The following ZHX3 variants were observed in gnomAD, a reference collection of about 807,000 sequenced individuals.
The protein encoded by ZHX3 is zinc fingers and homeoboxes 3.
In ZHX3, 20 loss-of-function variants were observed where a neutral mutation model predicts 64.5. The observed-to-expected ratio is 0.31, with a 90% confidence interval of 0.22 to 0.45. The LOEUF (loss-of-function observed/expected upper bound fraction) is 0.45, where lower values mean the gene tolerates loss of function less well. ZHX3 is among the 20% of genes least tolerant of loss of function. The pLI is 1.00. For missense variants in ZHX3, 1,041 were observed against 1,195.8 expected, an observed-to-expected ratio of 0.87 and a Z score of 1.91; for synonymous variants, 423 against 461.6, an observed-to-expected ratio of 0.92 and a Z score of 1.07.
chr20:41,228,748 A>G lies in ZHX3; in HGVS notation c.-150-23682T>C, dbSNP rs2040422698. Among the ~76,000 whole-genome samples the G allele has an allele frequency of 6.6e-6, 1 of 152,218 alleles. No individual in the cohort carries two copies. On this transcript the variant is annotated intron_variant, in intron 2 of 3. Coordinates refer to ENST00000683867, the MANE Select transcript of ZHX3 (RefSeq NM_001384317.1). The surrounding 1 kb of genome is among the most constrained non-coding windows in gnomAD (Gnocchi z 4.6). ...GAATTTTAGGAGATACATTCAGTCC[A>G]CTGCACCATACATCCAGATTTCCAA... is the stretch of plus-strand genomic sequence containing the variant.
intron 2 of ZHX3, among the ~76,000 whole-genome samples, chr20:41,265,034 T>G (rs1414845818): frequency 6.6e-6 from 1 of 152,184 alleles, no homozygotes; most frequent in African/African-American, 2.4e-5. Context: ...AAGCATTTTA[T>G]CATCACTATT....
At chr20:41,189,389 T>A (rs2036810219) in intron 3 of ZHX3, among the ~76,000 whole-genome samples, 1 of 152,216 alleles carries the variant, frequency 6.6e-6, no homozygotes. Flanking sequence ...CACATTGGTA[T>A]TTTGATAGCA....
In ZHX3 at chr20:41,192,242, G is replaced by A. The variant is rs191786336; in HGVS notation, c.2861-7041C>T. On this transcript the variant is annotated intron_variant, in intron 3 of 3. Coordinates refer to ENST00000683867, the MANE Select transcript of ZHX3 (RefSeq NM_001384317.1). ...TCAGGTACCCAAGAGGAGTATTCAA[G>A]TGCCAATGGTGGTGGACTAGGCTGG... is the stretch of plus-strand genomic sequence containing the variant. Among the ~76,000 whole-genome samples the A allele has an allele frequency of 9.7e-4, 147 of 152,318 alleles. 1 individual carries two copies. Among genetic ancestry groups the A allele is most frequent in the South Asian group, 2.9e-3 (14 of 4,832 alleles).
chr20:41,313,048 G>T (rs1358592623), intron 1 of ZHX3, among the ~76,000 whole-genome samples: 2 of 152,180 alleles, frequency 1.3e-5, no homozygotes, highest in Admixed American at 1.3e-4. Flanking sequence ...AGATATTCTA[G>T]AGGCTAGGCC....
chr20:41,247,925 C>T (rs2041791952), intron 2 of ZHX3, among the ~76,000 whole-genome samples: 1 of 152,194 alleles, frequency 6.6e-6, no homozygotes, highest in Admixed American at 6.5e-5. Context: ...CTGCCTAGGC[C>T]ATTCCCCTGC....
At position 41,232,124 on chromosome 20, in the gene ZHX3, T is replaced by G. The variant is rs2040646469; in HGVS notation, c.-150-27058A>C. Among the ~76,000 whole-genome samples, 1 of 152,104 alleles carries G rather than the reference T, an allele frequency of 6.6e-6. No individual in the cohort carries two copies. Among genetic ancestry groups the G allele is most frequent in the Admixed American group, 6.5e-5 (1 of 15,274 alleles). Reference sequence around the variant, plus strand: ...TTAAAGGGTTGGAAAATGAGATTTATGGGTAATGGCCACAGAAACGAAGAC... The same window carrying G: ...TTAAAGGGTTGGAAAATGAGATTTAGGGGTAATGGCCACAGAAACGAAGAC... On this transcript the variant is annotated intron_variant, in intron 2 of 3. Transcript: ENST00000683867. The surrounding 1 kb of genome is among the most constrained non-coding windows in gnomAD (Gnocchi z 5.0).
chr20:41,304,663 G>A (rs1039852074), intron 1 of ZHX3, among the ~76,000 whole-genome samples: 11 of 152,152 alleles, frequency 7.2e-5, no homozygotes, highest in African/African-American at 2.2e-4. Flanking sequence ...CGCAATTGTA[G>A]GGCTGACAAG....
Position 41,183,144 on chromosome 20 carries a change from C to T in ZHX3, c.*2047G>A, listed in dbSNP as rs375760842. The T allele has an allele frequency of 6.6e-6, 1 of 151,906 alleles. No homozygotes were observed. Among genetic ancestry groups the T allele is most frequent in the African/African-American group, 2.4e-5 (1 of 41,306 alleles). The allele number at this position is 151,906 out of a possible 1,614,324, so 9.4% of individuals were successfully genotyped here. ...CTGCACACGCCAGATGCGCGTTTTACGAGAATCAAATGAGTATTTATACTG... is the reference window on the plus strand; with the variant it reads ...CTGCACACGCCAGATGCGCGTTTTATGAGAATCAAATGAGTATTTATACTG... On this transcript the variant is annotated 3_prime_UTR_variant, in exon 4 of 4. Transcript: ENST00000683867. This position sits in a 1 kb window ranked among gnomAD's most constrained non-coding sequence, Gnocchi z 5.3.
rs752024582 is a variant in ZHX3, at chr20:41,202,521, G to C, written c.2396C>G (p.Ala799Gly). ...PSNQDYDSIMAQTGLPRPEVV... is the reference protein window; with the variant it reads ...PSNQDYDSIMGQTGLPRPEVV... ...CTCTGGCCGTGGCAGACCCGTCTGG[G>C]CCATGATGGAGTCATAGTCCTGGTT... The change falls in exon 3 of 4, where the codon GCC becomes GGC. Residue 799 changes from alanine to glycine, a missense_variant. Transcript: ENST00000683867. The surrounding 1 kb of genome is among the most constrained non-coding windows in gnomAD (Gnocchi z 7.0). 2 of 1,614,156 alleles carry C rather than the reference G, an allele frequency of 1.2e-6. No individual in the cohort carries two copies. The highest frequency in any genetic ancestry group is 1.7e-6 in the Non-Finnish European group (2 of 1,180,032).
intron 2 of ZHX3, among the ~76,000 whole-genome samples, chr20:41,231,826 A>T (rs1161381932): frequency 6.6e-6 from 1 of 152,276 alleles, no homozygotes; most frequent in Non-Finnish European, 1.5e-5. Flanking sequence ...ATCAGCCAAC[A>T]GCTAAAATTA....
intron 3 of ZHX3, among the ~76,000 whole-genome samples, chr20:41,196,459 T>TTATA (rs2037605420): frequency 1.7e-5 from 1 of 60,296 alleles, no homozygotes; most frequent in Non-Finnish European, 2.8e-5. Flanking sequence ...ATAATATATT[T>TTATA]ATATATAATA....
chr20:41,235,072 G>T (rs1023759884), intron 2 of ZHX3, among the ~76,000 whole-genome samples: 3 of 152,132 alleles, frequency 2.0e-5, no homozygotes, highest in Non-Finnish European at 4.4e-5. Context: ...TTCCATGAGA[G>T]ACAGTTATAA....
intron 2 of ZHX3, among the ~76,000 whole-genome samples, chr20:41,261,848 T>C (rs1024243612): frequency 6.6e-6 from 1 of 152,166 alleles, no homozygotes. Flanking sequence ...GAGTTTCTGA[T>C]CAATATTTCC....
rs1225770859 is a variant in ZHX3, at chr20:41,219,611, G to A, written c.-150-14545C>T. On this transcript the variant is annotated intron_variant, in intron 2 of 3. Transcript: ENST00000683867. The surrounding 1 kb of genome is among the most constrained non-coding windows in gnomAD (Gnocchi z 5.0). ...TGTTTTTTCTCTCAAATAGAGTTGA[G>A]GACTTACTATGTGCTAGGCACTGGG... Among the ~76,000 whole-genome samples the A allele has an allele frequency of 6.6e-6, 1 of 152,200 alleles. No homozygotes were observed. Among genetic ancestry groups the A allele is most frequent in the Non-Finnish European group, 1.5e-5 (1 of 68,030 alleles).
chr20:41,268,493 A>G (rs376667359), intron 2 of ZHX3, among the ~76,000 whole-genome samples: 90 of 152,356 alleles, frequency 5.9e-4, no homozygotes, highest in African/African-American at 2.0e-3. Context: ...CATTAAATAC[A>G]CTAGATCATT....
rs985989700 is a variant in ZHX3, at chr20:41,185,525, G to A, written c.2861-324C>T. On this transcript the variant is annotated intron_variant, in intron 3 of 3. Coordinates refer to ENST00000683867, the MANE Select transcript of ZHX3 (RefSeq NM_001384317.1). The surrounding 1 kb of genome is among the most constrained non-coding windows in gnomAD (Gnocchi z 5.0). ...AGCTCCCCAGGCTTCCGCCACCACC[G>A]TCTCTGGAGTCCTGTCCTAAAATGC... 8.0e-6 allele frequency: 4 copies of A among 497,528 alleles called. No individual in the cohort carries two copies. Among genetic ancestry groups the A allele is most frequent in the Admixed American group, 7.4e-5 (2 of 26,930 alleles). The allele number at this position is 497,528 out of a possible 1,614,324, so 30.8% of individuals were successfully genotyped here.
At chr20:41,276,519 C>CT (rs1241609801) in intron 1 of ZHX3, among the ~76,000 whole-genome samples, 1 of 152,200 alleles carries the variant, frequency 6.6e-6, no homozygotes, top group Non-Finnish European at 1.5e-5. Flanking sequence ...CTCTGGGTCT[C>CT]TAATTGGGTT....
intron 3 of ZHX3, among the ~76,000 whole-genome samples, chr20:41,196,456 AT>A (rs1490251627): frequency 0.19 from 676 of 3,652 alleles, 55 homozygotes; most frequent in East Asian, 0.62. Context: ...TATATAATAT[AT>A]TTATATATAA....
rs887300601 is a variant in ZHX3, at chr20:41,201,078, T to C, written c.2860+979A>G. On this transcript the variant is annotated intron_variant, in intron 3 of 3. Transcript: ENST00000683867. The surrounding 1 kb of genome is among the most constrained non-coding windows in gnomAD (Gnocchi z 5.0). Reference sequence around the variant, plus strand: ...GGGATTTCTGAGGGATAGGCCACTATGGTTGGCCCTGGGGATGAGGTACCA... The same window carrying C: ...GGGATTTCTGAGGGATAGGCCACTACGGTTGGCCCTGGGGATGAGGTACCA... Among the ~76,000 whole-genome samples, 3 of 152,218 alleles carry C rather than the reference T, an allele frequency of 2.0e-5. No individual in the cohort carries two copies. The highest frequency in any genetic ancestry group is 6.5e-5 in the Admixed American group (1 of 15,290).
Sources: gnomAD v4.1 joint callset for allele counts (sites outside exome capture counted in the v4.1 genomes callset) on GRCh38, gnomAD v4.1.1 for gene constraint, Gnocchi (gnomAD v3.1) non-coding constraint, MANE v1.5 for transcripts, NCBI Gene and HGNC (gene_info 2026-07-23, HGNC 2026-07-21) for gene names.